The following AAGAB variants were observed in gnomAD, a reference collection of about 807,000 sequenced individuals.
AAGAB encodes the protein alpha- and gamma-adaptin-binding protein p34.
Under a neutral mutation model 44.1 loss-of-function variants are expected in AAGAB, and 38 were observed. That is an observed-to-expected ratio of 0.86 (90% confidence interval 0.67 to 1.13). AAGAB has a LOEUF of 1.13. AAGAB is among the 50% of genes most tolerant of loss of function. AAGAB has a pLI of 0.00. For missense variants in AAGAB, 450 were observed against 373.8 expected, an observed-to-expected ratio of 1.20 and a Z score of -1.68; for synonymous variants, 131 against 131.8, an observed-to-expected ratio of 0.99 and a Z score of 0.04.
intron 5 of AAGAB, among the ~76,000 whole-genome samples, chr15:67,215,135 A>G (rs1180043882): frequency 6.6e-6 from 1 of 152,104 alleles, no homozygotes; most frequent in Non-Finnish European, 1.5e-5. Flanking sequence ...TGTCCTTACT[A>G]TTCAAGTGGC....
chr15:67,233,791 A>G (rs1225001224), intron 4 of AAGAB, among the ~76,000 whole-genome samples: 1 of 152,118 alleles, frequency 6.6e-6, no homozygotes, highest in Non-Finnish European at 1.5e-5. Context: ...CCTACACTGA[A>G]AACTCCTTGA....
chr15:67,213,548 T>C (rs1385766900), intron 5 of AAGAB, among the ~76,000 whole-genome samples: 1 of 152,316 alleles, frequency 6.6e-6, no homozygotes, highest in East Asian at 1.9e-4. Flanking sequence ...GAAAAGTTGC[T>C]TTTTAAAAAG....
chr15:67,212,029 G>C (rs1422067959), intron 5 of AAGAB, among the ~76,000 whole-genome samples: 3 of 152,076 alleles, frequency 2.0e-5, no homozygotes, highest in Non-Finnish European at 4.4e-5. Flanking sequence ...ACAGGCGCCC[G>C]CCACCACGCC....
chr15:67,219,045 T>A (rs985460379), intron 5 of AAGAB, among the ~76,000 whole-genome samples: 1 of 152,192 alleles, frequency 6.6e-6, no homozygotes, highest in African/African-American at 2.4e-5. Context: ...AACTGTGACT[T>A]CCCTAGAAGT....
intron 5 of AAGAB, among the ~76,000 whole-genome samples, chr15:67,211,222 G>A (rs1422415275): frequency 6.6e-6 from 1 of 152,190 alleles, no homozygotes; most frequent in Non-Finnish European, 1.5e-5. Context: ...TGCATTAAAG[G>A]CTACCTTGGT....
intron 5 of AAGAB, among the ~76,000 whole-genome samples, chr15:67,213,038 A>G (rs1963860086): frequency 6.6e-6 from 1 of 152,354 alleles, no homozygotes; most frequent in Non-Finnish European, 1.5e-5. Flanking sequence ...GAAAGAATAA[A>G]TAAAATTCAC....
intron 5 of AAGAB, among the ~76,000 whole-genome samples, chr15:67,210,125 C>T (rs1031704550): frequency 6.6e-6 from 1 of 152,146 alleles, no homozygotes; most frequent in Non-Finnish European, 1.5e-5. Context: ...ACTAATATTC[C>T]ATTGTTTTAA....
intron 5 of AAGAB, among the ~76,000 whole-genome samples, chr15:67,225,824 C>A (rs149185410): frequency 2.0e-5 from 3 of 152,256 alleles, no homozygotes; most frequent in Non-Finnish European, 2.9e-5. Flanking sequence ...AATAATACTG[C>A]TATGAACACT....
intron 1 of AAGAB, among the ~76,000 whole-genome samples, chr15:67,248,800 G>A (rs975383259): frequency 2.6e-5 from 4 of 152,136 alleles, no homozygotes; most frequent in African/African-American, 7.2e-5. Flanking sequence ...GTGCTTTCTG[G>A]TTTTGCAGTT....
intron 5 of AAGAB, among the ~76,000 whole-genome samples, chr15:67,211,171 G>A (rs965348758): frequency 2.0e-5 from 3 of 152,156 alleles, no homozygotes; most frequent in African/African-American, 7.2e-5. Flanking sequence ...CCTGACTCTC[G>A]CCACGGAGGC....
At position 67,236,705 on chromosome 15, in the gene AAGAB, C is replaced by T; in HGVS notation, c.189G>A (p.Val63=). Reference sequence around the variant, plus strand: ...CTGCAGTAACAAGAAATTTGTTTGGCACCACACATAGATTGATGTCTGCTG... The same window carrying T: ...CTGCAGTAACAAGAAATTTGTTTGGTACCACACATAGATTGATGTCTGCTG... ...YYSADINLCV[V]PNKFLVTAEI... The change falls in exon 2 of 10, where the codon GTG becomes GTA. Residue 63 remains valine (V), a synonymous_variant. Transcript: ENST00000261880. 1 of 1,614,024 alleles carries T rather than the reference C, an allele frequency of 6.2e-7. No homozygotes were observed. Among genetic ancestry groups the T allele is most frequent in the Non-Finnish European group, 8.5e-7 (1 of 1,179,954 alleles).
chr15:67,237,493 G>C (rs1964497861), intron 1 of AAGAB, among the ~76,000 whole-genome samples: 1 of 152,242 alleles, frequency 6.6e-6, no homozygotes, highest in East Asian at 1.9e-4. Context: ...GATTATAACT[G>C]AATCTTTTGG....
At chr15:67,243,279 G>A (rs1042304052) in intron 1 of AAGAB, among the ~76,000 whole-genome samples, 3 of 152,138 alleles carry the variant, frequency 2.0e-5, no homozygotes, top group South Asian at 2.1e-4. Flanking sequence ...GTTTTATAAA[G>A]ATTAAGCAGG....
In AAGAB at chr15:67,209,531, G is replaced by A. The variant is rs770294425; in HGVS notation, c.549C>T (p.Gly183=). The change falls in exon 6 of 10, where the codon GGC becomes GGT. Residue 183 remains glycine, a synonymous_variant. Coordinates refer to ENST00000261880, the MANE Select transcript of AAGAB (RefSeq NM_024666.5). ...CAGTCAATGAGTTGAGAAGGCTAAAGCCTTGGTTCCTATCTGAAAAGGAAA... is the reference window on the plus strand; with the variant it reads ...CAGTCAATGAGTTGAGAAGGCTAAAACCTTGGTTCCTATCTGAAAAGGAAA... The part of the protein sequence containing the change: ...NVVMKNDRNQ[G]FSLLNSLTGT... The A allele has an allele frequency of 6.2e-7, 1 of 1,613,990 alleles. No individual in the cohort carries two copies. Among genetic ancestry groups the A allele is most frequent in the South Asian group, 1.1e-5 (1 of 91,078 alleles).
rs1965030555 is a variant in AAGAB, at chr15:67,254,619, CGCCAGCAGCCATA to C, written c.-1_12del. ...CAGCTGGTGACTAACGCACAGGGTACGCCAGCAGCCATAGCTGCGCTCGCGAGCCGGTTCCGTC... is the reference window on the plus strand; with the variant it reads ...CAGCTGGTGACTAACGCACAGGGTACGCTGCGCTCGCGAGCCGGTTCCGTC... On this transcript the variant is annotated start_lost and 5_prime_UTR_variant, in exon 1 of 10. Coordinates refer to ENST00000261880, the MANE Select transcript of AAGAB (RefSeq NM_024666.5). The C allele has an allele frequency of 6.2e-7, 1 of 1,603,772 alleles. No homozygotes were observed. Among genetic ancestry groups the C allele is most frequent in the Non-Finnish European group, 8.5e-7 (1 of 1,177,198 alleles).
chr15:67,204,041 T>A lies in AAGAB; in HGVS notation c.820+3A>T. On this transcript the variant is annotated splice_donor_region_variant and intron_variant, in intron 8 of 9. Transcript: ENST00000261880. ...ACATATTAGACACAATGGATCTGAT[T>A]ACCTTTCATTTCCTTTAACTTTGAA... 1 of 1,560,522 alleles carries A rather than the reference T, an allele frequency of 6.4e-7. No individual in the cohort carries two copies. Among genetic ancestry groups the A allele is most frequent in the South Asian group, 1.1e-5 (1 of 89,636 alleles).
At chr15:67,242,513 C>T (rs12440530) in intron 1 of AAGAB, among the ~76,000 whole-genome samples, 1,618 of 149,756 alleles carry the variant, frequency 0.011, 81 homozygotes, top group Admixed American at 0.072. Context: ...TTCTTACCCA[C>T]AACTTCATGA....
intron 5 of AAGAB, chr15:67,227,022 T>C: frequency 5.6e-6 from 1 of 179,548 alleles, no homozygotes; most frequent in Non-Finnish European, 1.2e-5. Flanking sequence ...TAGATGTTCA[T>C]AATCCTTACA....
At chr15:67,239,694 G>C (rs1964550924) in intron 1 of AAGAB, among the ~76,000 whole-genome samples, 1 of 152,126 alleles carries the variant, frequency 6.6e-6, no homozygotes, top group Non-Finnish European at 1.5e-5. Flanking sequence ...GCTAGGGAGA[G>C]AATAGTAAAG....
Sources: allele counts gnomAD v4.1 joint callset (sites outside exome capture counted in the v4.1 genomes callset), GRCh38; gene constraint gnomAD v4.1.1; transcripts MANE v1.5; gene names NCBI Gene and HGNC (gene_info 2026-07-23, HGNC 2026-07-21).